CDKAL1: variants seen among roughly 807,000 people sequenced by gnomAD.
CDKAL1 encodes the protein threonylcarbamoyladenosine tRNA methylthiotransferase.
In CDKAL1, 32 loss-of-function variants were observed where a neutral mutation model predicts 68.2. The ratio of observed to expected loss-of-function variants is 0.47; its 90% CI spans 0.35 to 0.63. CDKAL1 has a LOEUF of 0.63. Ranked by LOEUF, CDKAL1 falls within the 30% of genes least tolerant of loss-of-function variation. The pLI is 0.00. For synonymous variants in CDKAL1, 234 were observed against 244.3 expected, an observed-to-expected ratio of 0.96 and a Z score of 0.39; for missense variants, 606 against 696.7, an observed-to-expected ratio of 0.87 and a Z score of 1.47.
chr6:21,080,975 C>T (rs4323302), intron 12 of CDKAL1, among the ~76,000 whole-genome samples: 76,938 of 151,960 alleles, frequency 0.51, 19,534 homozygotes, highest in East Asian at 0.53. Context: ...CTTAGCATTT[C>T]AAGTTTTCTA....
intron 6 of CDKAL1, among the ~76,000 whole-genome samples, chr6:20,740,194 C>CT (rs913070371): frequency 6.6e-6 from 1 of 152,134 alleles, no homozygotes; most frequent in Non-Finnish European, 1.5e-5. Flanking sequence ...GTTTTTCAAT[C>CT]TTTTTTTAAA....
chr6:20,606,654 C>A (rs891460329), intron 4 of CDKAL1, among the ~76,000 whole-genome samples: 1 of 152,128 alleles, frequency 6.6e-6, no homozygotes, highest in Non-Finnish European at 1.5e-5. Context: ...GATTTGAGAT[C>A]ATCTTAATGC....
rs980612025 is a variant in CDKAL1 at position 20,662,644 on chromosome 6, T to C, written c.371+13267T>C. Among the ~76,000 whole-genome samples the C allele has an allele frequency of 5.9e-5, 9 of 152,164 alleles. 1 individual carries two copies. The highest frequency in any genetic ancestry group is 1.3e-4 in the Non-Finnish European group (9 of 68,018). ...CAGAGTTCCTTAGGGGCAGCCACTA[T>C]ATCTTTTATCTGTATCCCAGCATCT... On this transcript the variant is annotated intron_variant, in intron 5 of 15. Transcript: ENST00000274695.
chr6:21,033,307 G>A (rs1250676437), intron 11 of CDKAL1, among the ~76,000 whole-genome samples: 2 of 152,168 alleles, frequency 1.3e-5, no homozygotes, highest in African/African-American at 4.8e-5. Context: ...GAAATAAAGA[G>A]GAAGGGCAAG....
intron 11 of CDKAL1, among the ~76,000 whole-genome samples, chr6:21,046,580 G>A (rs376733801): frequency 3.9e-5 from 6 of 152,274 alleles, no homozygotes; most frequent in South Asian, 2.1e-4. Context: ...CCAGCCAGGC[G>A]TGGCGTGAGA....
intron 5 of CDKAL1, among the ~76,000 whole-genome samples, chr6:20,667,527 C>G (rs1389191303): frequency 1.3e-5 from 2 of 152,092 alleles, no homozygotes; most frequent in Non-Finnish European, 2.9e-5. Context: ...TCTGAGGTAA[C>G]AAGAAATCTT....
intron 8 of CDKAL1, among the ~76,000 whole-genome samples, chr6:20,831,797 G>T (rs1167097660): frequency 2.6e-5 from 4 of 152,196 alleles, no homozygotes; most frequent in African/African-American, 9.7e-5. Flanking sequence ...GTCAGCTCAT[G>T]AGGCACCCAC....
At chr6:21,202,417 T>C (rs966947954) in intron 15 of CDKAL1, among the ~76,000 whole-genome samples, 1 of 152,086 alleles carries the variant, frequency 6.6e-6, no homozygotes, top group African/African-American at 2.4e-5. Context: ...AAATTGTACT[T>C]GGGGGATAGT....
rs796121753 is a variant in CDKAL1 at position 20,592,897 on chromosome 6, G to A, written c.286+44192G>A. Among the ~76,000 whole-genome samples the A allele has an allele frequency of 7.8e-4, 119 of 151,910 alleles. 1 individual carries two copies. The highest frequency in any genetic ancestry group is 2.8e-3 in the African/African-American group (114 of 41,450). ...GCATGAAGGGGTGTTGAATTTTATC[G>A]AAGGCCTTTTCTGCATCTATTGAGA... On this transcript the variant is annotated intron_variant, in intron 4 of 15. Transcript: ENST00000274695.
chr6:20,692,134 G>T (rs1012951466), intron 5 of CDKAL1, among the ~76,000 whole-genome samples: 29 of 152,176 alleles, frequency 1.9e-4, no homozygotes, highest in African/African-American at 6.8e-4. Flanking sequence ...ACCAATTGGA[G>T]TGTTTTTCTC....
At chr6:20,646,035 ATT>A (rs1768438047) in intron 4 of CDKAL1, among the ~76,000 whole-genome samples, 1 of 126,734 alleles carries the variant, frequency 7.9e-6, no homozygotes, top group Non-Finnish European at 1.7e-5. Context: ...TTCTGAGGCT[ATT>A]TCACGGTTAA....
intron 13 of CDKAL1, among the ~76,000 whole-genome samples, chr6:21,195,541 T>C (rs1159958409): frequency 6.7e-6 from 1 of 149,618 alleles, no homozygotes; most frequent in East Asian, 2.0e-4. Flanking sequence ...GACAGGGTCT[T>C]ATTCAGTCAC....
intron 8 of CDKAL1, among the ~76,000 whole-genome samples, chr6:20,813,252 G>A (rs920413733): frequency 6.6e-6 from 1 of 151,952 alleles, no homozygotes; most frequent in Non-Finnish European, 1.5e-5. Context: ...CTGGCCTCAG[G>A]TATATTTTTA....
chr6:20,652,512 C>G (rs1768820467), intron 5 of CDKAL1, among the ~76,000 whole-genome samples: 1 of 152,140 alleles, frequency 6.6e-6, no homozygotes, highest in African/African-American at 2.4e-5. Context: ...AAACCTTCTT[C>G]TAGAAATTAT....
intron 9 of CDKAL1, among the ~76,000 whole-genome samples, chr6:20,871,796 A>AT (rs1760231906): frequency 6.6e-6 from 1 of 152,098 alleles, no homozygotes; most frequent in South Asian, 2.1e-4. Context: ...TGCATGTACT[A>AT]TTTTGTCTGA....
At chr6:21,185,762 G>A (rs1156916609) in intron 13 of CDKAL1, among the ~76,000 whole-genome samples, 1 of 152,084 alleles carries the variant, frequency 6.6e-6, no homozygotes, top group Non-Finnish European at 1.5e-5. Context: ...AATAGAATAG[G>A]TGAAGAGAAA....
intron 15 of CDKAL1, among the ~76,000 whole-genome samples, chr6:21,205,779 C>T (rs1393590400): frequency 1.3e-5 from 2 of 148,662 alleles, no homozygotes; most frequent in Non-Finnish European, 3.0e-5. Flanking sequence ...GATCTGCCCG[C>T]CTTGGCCTCC....
At chr6:20,578,837 C>A (rs1454610142) in intron 4 of CDKAL1, among the ~76,000 whole-genome samples, 1 of 152,082 alleles carries the variant, frequency 6.6e-6, no homozygotes, top group African/African-American at 2.4e-5. Flanking sequence ...TTTCTCAGGA[C>A]TAAGTACTAA....
At chr6:21,063,554 A>C (rs1301777841) in intron 11 of CDKAL1, among the ~76,000 whole-genome samples, 1 of 152,218 alleles carries the variant, frequency 6.6e-6, no homozygotes, top group African/African-American at 2.4e-5. Flanking sequence ...TCAACCGTGA[A>C]TGAGAGTAAT....
Sources: allele counts gnomAD v4.1 joint callset (sites outside exome capture counted in the v4.1 genomes callset), GRCh38; gene constraint gnomAD v4.1.1; transcripts MANE v1.5; gene names NCBI Gene and HGNC (gene_info 2026-07-23, HGNC 2026-07-21).